The following SV2C variants were observed in gnomAD, a reference collection of about 807,000 sequenced individuals.
SV2C encodes solute carrier family 22 member B3.
A neutral mutation model predicts 79.7 loss-of-function variants in SV2C; 49 were observed. The ratio of observed to expected loss-of-function variants is 0.61; its 90% CI spans 0.49 to 0.78. The LOEUF is 0.78. SV2C is among the 30% of genes least tolerant of loss of function. SV2C has a pLI of 0.00. For synonymous variants in SV2C, 334 were observed against 333.2 expected (o/e 1.00, Z -0.03); for missense variants, 833 against 912.9 (o/e 0.91, Z 1.13).
At chr5:76,137,806 A>G (rs1365588598) in intron 2 of SV2C, among the ~76,000 whole-genome samples, 1 of 152,130 alleles carries the variant, frequency 6.6e-6, no homozygotes, top group Non-Finnish European at 1.5e-5. Flanking sequence ...TGCTTGTTCT[A>G]CAGAGCCCTC....
chr5:76,238,184 A>T (rs1745674875), intron 4 of SV2C, among the ~76,000 whole-genome samples: 1 of 151,962 alleles, frequency 6.6e-6, no homozygotes, highest in African/African-American at 2.4e-5. Context: ...CATTCCTATT[A>T]TCCATCCCTT....
At chr5:76,302,349 G>A (rs994383202) in intron 12 of SV2C, among the ~76,000 whole-genome samples, 1 of 152,134 alleles carries the variant, frequency 6.6e-6, no homozygotes, top group African/African-American at 2.4e-5. Flanking sequence ...ATTGTGCTGG[G>A]CCTAGTGGGA....
At chr5:76,335,889 C>T (rs1472084105), downstream of SV2C, among the ~76,000 whole-genome samples, 1 of 152,226 alleles carries the variant, frequency 6.6e-6, no homozygotes, top group African/African-American at 2.4e-5. Context: ...CTTTCTATTC[C>T]ACAAAACTGC....
intron 6 of SV2C, among the ~76,000 whole-genome samples, chr5:76,288,624 C>G (rs1291085595): frequency 6.6e-6 from 1 of 152,102 alleles, no homozygotes; most frequent in African/African-American, 2.4e-5. Flanking sequence ...GCCTCATTGC[C>G]CTACTTACCT....
At chr5:76,206,340 G>A (rs1016864928) in intron 3 of SV2C, among the ~76,000 whole-genome samples, 4 of 152,170 alleles carry the variant, frequency 2.6e-5, no homozygotes, top group Non-Finnish European at 5.9e-5. Context: ...GAAGCTCCTG[G>A]AATGCCCAGT....
intron 4 of SV2C, among the ~76,000 whole-genome samples, chr5:76,229,674 A>C (rs1553323): frequency 0.11 from 17,281 of 152,262 alleles, 2,844 homozygotes; most frequent in African/African-American, 0.37. Context: ...GAGGAGAGAG[A>C]GGACATATAT....
the SV2C span, among the ~76,000 whole-genome samples, chr5:76,002,385 C>T: frequency 6.6e-6 from 1 of 152,052 alleles, no homozygotes; most frequent in South Asian, 2.1e-4. Context: ...CTCTGCTGCT[C>T]ACTTGTGACA....
At chr5:75,953,297 A>G in the SV2C span, among the ~76,000 whole-genome samples, 38,854 of 151,704 alleles carry the variant, frequency 0.26, 6,123 homozygotes, top group Non-Finnish European at 0.37. Context: ...ATGACCAAAT[A>G]CCTCCCATTA....
chr5:76,327,306 T>G lies in SV2C; in HGVS notation c.*1759T>G, dbSNP rs1303347660. ...GGAAGAGGGTGGTTCCCTGGGGGTC[T>G]GTGATCAGGGCTAGAACATCAGGAA... On this transcript the variant is annotated 3_prime_UTR_variant, in exon 13 of 13. Transcript: ENST00000502798. 1 of 152,154 alleles carries G rather than the reference T, an allele frequency of 6.6e-6. No homozygotes were observed. The highest frequency in any genetic ancestry group is 1.5e-5 in the Non-Finnish European group (1 of 68,056). 9.4% of individuals were successfully genotyped at this position (152,154 alleles called of 1,614,324 possible).
At position 76,209,880 on chromosome 5, in the gene SV2C, G is replaced by A. The variant is rs372729641; in HGVS notation, c.906G>A (p.Pro302=). ...YASAMAWAII[P]HYGWSFSMGS... is the part of the protein sequence containing the mutation. ...CTGCCATGGCCTGGGCCATCATCCC[G>A]CACTACGGTAAGAGGCTGGCCTTGC... Residue 302 remains proline, a synonymous_variant, in exon 4 of 13, where the codon CCG becomes CCA. Transcript: ENST00000502798. 260 of 1,612,148 alleles carry A rather than the reference G, an allele frequency of 1.6e-4. 1 individual carries two copies. The highest frequency in any genetic ancestry group is 3.9e-4 in the African/African-American group (29 of 74,914).
At chr5:75,975,998 G>C in the SV2C span, among the ~76,000 whole-genome samples, 2 of 152,170 alleles carry the variant, frequency 1.3e-5, no homozygotes, top group Non-Finnish European at 2.9e-5. Flanking sequence ...GAAGAGCTAG[G>C]ATGCACATGT....
the SV2C span, among the ~76,000 whole-genome samples, chr5:76,064,585 C>T: frequency 6.6e-6 from 1 of 152,230 alleles, no homozygotes; most frequent in East Asian, 1.9e-4. Context: ...GTGTTAGGTC[C>T]TACTCAGAGC....
chr5:75,898,298 A>G, the SV2C span, among the ~76,000 whole-genome samples: 224 of 152,314 alleles, frequency 1.5e-3, 8 homozygotes, highest in East Asian at 0.036. Context: ...ATTTTGTCCA[A>G]GGCCTTTTCT....
chr5:76,183,277 G>C (rs1743810131), intron 2 of SV2C, among the ~76,000 whole-genome samples: 1 of 151,630 alleles, frequency 6.6e-6, no homozygotes, highest in Non-Finnish European at 1.5e-5. Flanking sequence ...TGCCCGCCTT[G>C]GTCTCCCAAA....
intron 1 of SV2C, among the ~76,000 whole-genome samples, chr5:76,119,872 A>G (rs1342850600): frequency 1.3e-5 from 2 of 152,202 alleles, no homozygotes; most frequent in Non-Finnish European, 2.9e-5. Flanking sequence ...ATTAACGATG[A>G]AAGAGATTTT....
intron 4 of SV2C, among the ~76,000 whole-genome samples, chr5:76,248,500 C>T (rs145448110): frequency 1.3e-5 from 2 of 152,220 alleles, no homozygotes; most frequent in Non-Finnish European, 2.9e-5. Flanking sequence ...GCCCTGTATC[C>T]AATATAGATC....
the SV2C span, among the ~76,000 whole-genome samples, chr5:75,992,946 C>G: frequency 1.3e-5 from 2 of 151,956 alleles, no homozygotes. Context: ...ATTAAAGGAA[C>G]TCTCAGAGAT....
chr5:76,291,895 A>T (rs75379872), intron 8 of SV2C, 39 bp downstream of exon 8: 16,698 of 1,437,242 alleles, frequency 0.012, 132 homozygotes, highest in Non-Finnish European at 0.014. Context: ...AAAATCGTTC[A>T]ATGTCCACAT....
At chr5:76,046,848 G>T in the SV2C span, among the ~76,000 whole-genome samples, 1 of 152,148 alleles carries the variant, frequency 6.6e-6, no homozygotes, top group Admixed American at 6.5e-5. Context: ...GACTGCCCTT[G>T]CTCATTCATT....
Sources: allele counts gnomAD v4.1 joint callset (sites outside exome capture counted in the v4.1 genomes callset), GRCh38; gene constraint gnomAD v4.1.1; transcripts MANE v1.5; gene names NCBI Gene and HGNC (gene_info 2026-07-23, HGNC 2026-07-21).